The following PRKCE variants were observed in gnomAD, a reference collection of about 807,000 sequenced individuals.
PRKCE encodes protein kinase C epsilon, also known as protein kinase C epsilon type.
PRKCE carries 16 observed loss-of-function variants against 85.4 expected under a neutral mutation model. The observed-to-expected ratio is 0.19, with a 90% CI of 0.13 to 0.28. PRKCE has a LOEUF of 0.28. Ranked by LOEUF, PRKCE falls within the 10% of genes least tolerant of loss-of-function variation. PRKCE has a pLI of 1.00. For missense variants in PRKCE, 573 were observed against 975.2 expected, an observed-to-expected ratio of 0.59 and a Z score of 5.49; for synonymous variants, 388 against 371.5, an observed-to-expected ratio of 1.04 and a Z score of -0.51.
chr2:46,169,759 C>T (rs149246750), intron 14 of PRKCE, among the ~76,000 whole-genome samples: 69 of 152,186 alleles, frequency 4.5e-4, no homozygotes, highest in African/African-American at 1.1e-3. Flanking sequence ...TCCTGGGAGG[C>T]GTGGCAGACT....
At chr2:46,099,495 A>G (rs1018129340) in intron 11 of PRKCE, among the ~76,000 whole-genome samples, 8 of 137,544 alleles carry the variant, frequency 5.8e-5, no homozygotes, top group Non-Finnish European at 9.4e-5. Context: ...GGAATAAGGT[A>G]TGGTATTTTT....
chr2:46,048,840 G>A (rs1296405755), intron 10 of PRKCE, among the ~76,000 whole-genome samples: 1 of 152,116 alleles, frequency 6.6e-6, no homozygotes, highest in African/African-American at 2.4e-5. Context: ...ACTCAACTCA[G>A]TGTGACTCTT....
intron 2 of PRKCE, among the ~76,000 whole-genome samples, chr2:45,917,528 G>A (rs568441064): frequency 3.3e-5 from 5 of 152,068 alleles, no homozygotes; most frequent in African/African-American, 7.2e-5. Flanking sequence ...ACAGAGTGCC[G>A]ATTGGTGTAT....
intron 1 of PRKCE, among the ~76,000 whole-genome samples, chr2:45,663,050 G>C (rs1419826609): frequency 6.6e-6 from 1 of 152,196 alleles, no homozygotes; most frequent in Admixed American, 6.5e-5. Context: ...CAAGGAGTGG[G>C]AGCCTTATTT....
At chr2:45,869,628 G>T (rs1289115919) in intron 2 of PRKCE, among the ~76,000 whole-genome samples, 1 of 151,820 alleles carries the variant, frequency 6.6e-6, no homozygotes, top group African/African-American at 2.4e-5. Context: ...TAGTAAGCTG[G>T]CTTCAAATCC....
At chr2:46,095,012 A>G (rs547510482) in intron 11 of PRKCE, among the ~76,000 whole-genome samples, 5 of 152,298 alleles carry the variant, frequency 3.3e-5, no homozygotes, top group Non-Finnish European at 5.9e-5. Flanking sequence ...GTTTTCATCT[A>G]TTGCACTCGC....
intron 1 of PRKCE, among the ~76,000 whole-genome samples, chr2:45,661,497 G>A (rs1449713274): frequency 7.6e-6 from 1 of 130,930 alleles, no homozygotes; most frequent in African/African-American, 2.8e-5. Context: ...TTCAAGAAGA[G>A]TTTTTTTTGT....
chr2:46,100,585 C>T (rs1671109333), intron 11 of PRKCE, among the ~76,000 whole-genome samples: 1 of 152,194 alleles, frequency 6.6e-6, no homozygotes, highest in Non-Finnish European at 1.5e-5. Flanking sequence ...CATGAAGTCC[C>T]CTCCCGTGTT....
intron 11 of PRKCE, among the ~76,000 whole-genome samples, chr2:46,096,669 T>G (rs763247989): frequency 2.0e-4 from 31 of 152,160 alleles, no homozygotes; most frequent in Non-Finnish European, 3.8e-4. Context: ...GTCTTACACT[T>G]CTAGCCTTCA....
At chr2:45,814,498 C>T (rs915578826) in intron 1 of PRKCE, among the ~76,000 whole-genome samples, 2 of 152,174 alleles carry the variant, frequency 1.3e-5, no homozygotes, top group Non-Finnish European at 2.9e-5. Context: ...ACTCCTCCTC[C>T]AGAGGGATTT....
rs1374918863 is a variant in PRKCE, at chr2:45,827,217, C to A, written c.349-15783C>A. On this transcript the variant is annotated intron_variant, in intron 1 of 14. Coordinates refer to ENST00000306156, the MANE Select transcript of PRKCE (RefSeq NM_005400.3). ...CATGCCTTTGCATCTGCTCCTCTCT[C>A]TGCACCAGTCGGGCTGGCTTTTTCG... Among the ~76,000 whole-genome samples the A allele has an allele frequency of 2.0e-5, 3 of 152,260 alleles. No homozygotes were observed. In the East Asian group the frequency reaches 5.8e-4, roughly 29 times the overall value.
intron 2 of PRKCE, among the ~76,000 whole-genome samples, chr2:45,958,190 CAAAAAAAA>C (rs60711691): frequency 2.7e-5 from 3 of 110,110 alleles, no homozygotes; most frequent in African/African-American, 1.0e-4. Flanking sequence ...ATTAGGCCCG[CAAAAAAAA>C]AAAAAAAAAA....
chr2:45,871,069 C>G (rs1230037493), intron 2 of PRKCE, among the ~76,000 whole-genome samples: 1 of 152,218 alleles, frequency 6.6e-6, no homozygotes, highest in Non-Finnish European at 1.5e-5. Flanking sequence ...TCCAGGGACC[C>G]TGCAAATGCT....
chr2:46,006,508 C>G (rs576425197), intron 8 of PRKCE, among the ~76,000 whole-genome samples: 9 of 152,316 alleles, frequency 5.9e-5, no homozygotes, highest in Admixed American at 2.0e-4. Flanking sequence ...TGAAAAGAAG[C>G]TGAAGATCTC....
At chr2:45,834,544 C>G (rs756324411) in intron 1 of PRKCE, among the ~76,000 whole-genome samples, 30 of 152,210 alleles carry the variant, frequency 2.0e-4, no homozygotes, top group Admixed American at 3.3e-4. Flanking sequence ...ATTAAGACTC[C>G]TTCTGGAGAT....
At chr2:46,075,739 G>A (rs1422039833) in intron 10 of PRKCE, among the ~76,000 whole-genome samples, 2 of 152,140 alleles carry the variant, frequency 1.3e-5, no homozygotes, top group Non-Finnish European at 2.9e-5. Flanking sequence ...ACAGAGTGAG[G>A]CCCTGTCTCT....
Position 46,170,879 on chromosome 2 carries a change from G to A in PRKCE, c.2067+11127G>A, listed in dbSNP as rs570732405. 4.6e-5 allele frequency among the ~76,000 whole-genome samples: 7 copies of A among 152,348 alleles called. 1 individual carries two copies. In the South Asian group the frequency reaches 1.4e-3, roughly 32 times the overall value. ...AACATTTTCCTAAATAAGTGGGGGAGAGATTGGTAAGTGGAGGAACTGGGC... is the reference window on the plus strand; with the variant it reads ...AACATTTTCCTAAATAAGTGGGGGAAAGATTGGTAAGTGGAGGAACTGGGC... On this transcript the variant is annotated intron_variant, in intron 14 of 14. Coordinates refer to ENST00000306156, the MANE Select transcript of PRKCE (RefSeq NM_005400.3).
chr2:45,917,953 G>A (rs1012002867), intron 2 of PRKCE, among the ~76,000 whole-genome samples: 4 of 152,200 alleles, frequency 2.6e-5, no homozygotes, highest in Non-Finnish European at 4.4e-5. Flanking sequence ...CAGGGCCGGC[G>A]GCCGGCTGCT....
chr2:45,959,357 T>G (rs1701226978), intron 2 of PRKCE, among the ~76,000 whole-genome samples: 1 of 152,208 alleles, frequency 6.6e-6, no homozygotes, highest in Non-Finnish European at 1.5e-5. Flanking sequence ...ATGTCATGTC[T>G]TCATTTTAGT....
Sources: gnomAD v4.1 joint callset for allele counts (sites outside exome capture counted in the v4.1 genomes callset) on GRCh38, gnomAD v4.1.1 for gene constraint, MANE v1.5 for transcripts, NCBI Gene and HGNC (gene_info 2026-07-23, HGNC 2026-07-21) for gene names.